USP3: variants seen among roughly 807,000 people sequenced by gnomAD.
USP3 encodes ubiquitin specific peptidase 3, also known as ubiquitin carboxyl-terminal hydrolase 3.
A neutral mutation model predicts 72.3 loss-of-function variants in USP3; 20 were observed. That is an observed-to-expected ratio of 0.28 (90% CI 0.19 to 0.40). USP3 has a LOEUF of 0.40. Ranked by LOEUF, USP3 falls within the 10% of genes least tolerant of loss-of-function variation. The pLI, the probability that USP3 is intolerant of heterozygous loss-of-function variation, is 1.00. For missense variants in USP3, 479 were observed against 633.9 expected (o/e 0.76, Z 2.62); for synonymous variants, 222 against 225.3 (o/e 0.99, Z 0.13).
intron 11 of USP3, among the ~76,000 whole-genome samples, chr15:63,575,101 G>T (rs555325649): frequency 6.8e-6 from 1 of 146,580 alleles, no homozygotes; most frequent in Admixed American, 6.8e-5. Context: ...TGATTTGTAT[G>T]TTCACTAAAA....
chr15:63,568,181 GTC>G, intron 8 of USP3, among the ~76,000 whole-genome samples: 1 of 151,872 alleles, frequency 6.6e-6, no homozygotes, highest in African/African-American at 2.4e-5. Flanking sequence ...GTGAAACCCC[GTC>G]TCTACCAAAA....
chr15:63,543,938 G>A (rs1375548974), intron 3 of USP3, among the ~76,000 whole-genome samples: 1 of 151,552 alleles, frequency 6.6e-6, no homozygotes, highest in Non-Finnish European at 1.5e-5. Context: ...GGCCAGGCAT[G>A]GTGGCTCACA....
At position 63,592,219 on chromosome 15, in the gene USP3, A is replaced by G. The variant is rs1187523702; in HGVS notation, c.*1393A>G. 6.7e-6 allele frequency: 1 copy of G among 150,124 alleles called. No homozygotes were observed. The highest frequency in any genetic ancestry group is 1.5e-5 in the Non-Finnish European group (1 of 67,886). The allele number at this position is 150,124 out of a possible 1,614,324, so 9.3% of individuals were successfully genotyped here. On this transcript the variant is annotated 3_prime_UTR_variant, in exon 15 of 15. Coordinates refer to ENST00000380324, the MANE Select transcript of USP3 (RefSeq NM_006537.4). ...TACAGGCGTGAGCCATCACGCCCAG[A>G]CAGTTTTGTTTTTAAAAAACAGATT...
intron 8 of USP3, among the ~76,000 whole-genome samples, 171 bp downstream of exon 8, chr15:63,563,179 C>T (rs2066634744): frequency 6.6e-6 from 1 of 152,082 alleles, no homozygotes; most frequent in Non-Finnish European, 1.5e-5. Flanking sequence ...TGACTAAACA[C>T]ATGTGTTTAT....
chr15:63,558,980 C>T (rs2066559305), intron 6 of USP3, among the ~76,000 whole-genome samples: 1 of 152,202 alleles, frequency 6.6e-6, no homozygotes, highest in African/African-American at 2.4e-5. Flanking sequence ...CTGTGGGCTA[C>T]AGTTTGCAGA....
intron 2 of USP3, among the ~76,000 whole-genome samples, chr15:63,533,139 A>G (rs754430848): frequency 2.0e-5 from 3 of 152,004 alleles, no homozygotes; most frequent in Non-Finnish European, 4.4e-5. Flanking sequence ...TTCACCTATT[A>G]CCTACCCCAT....
Position 63,540,466 on chromosome 15 carries a change from C to T in USP3, c.284+3310C>T, listed in dbSNP as rs1451995191. Reference sequence around the variant, plus strand: ...GAGTAGGTGACATACGTTTGAAAGACTGAATTTTGTTAACTGTCTTTCAGA... The same window carrying T: ...GAGTAGGTGACATACGTTTGAAAGATTGAATTTTGTTAACTGTCTTTCAGA... On this transcript the variant is annotated intron_variant, in intron 3 of 14. Transcript: ENST00000380324. Among the ~76,000 whole-genome samples the T allele has an allele frequency of 2.6e-5, 4 of 152,172 alleles. No individual in the cohort carries two copies. The East Asian group carries it at 7.7e-4, about 29-fold the overall frequency.
intron 3 of USP3, among the ~76,000 whole-genome samples, chr15:63,552,963 TC>T (rs1286843388): frequency 6.6e-6 from 1 of 152,184 alleles, no homozygotes; most frequent in Non-Finnish European, 1.5e-5. Context: ...ATTGGCCTTA[TC>T]CCAGGAAAAA....
At chr15:63,550,955 G>C (rs2066428063) in intron 3 of USP3, among the ~76,000 whole-genome samples, 1 of 152,106 alleles carries the variant, frequency 6.6e-6, no homozygotes, top group African/African-American at 2.4e-5. Flanking sequence ...CCAGGAATTT[G>C]AGACCAGGCT....
chr15:63,519,263 T>G (rs1337344920), intron 1 of USP3, among the ~76,000 whole-genome samples: 1 of 152,130 alleles, frequency 6.6e-6, no homozygotes, highest in Non-Finnish European at 1.5e-5. Context: ...TATTTAGTTG[T>G]CATAGCTCTT....
chr15:63,544,829 A>G lies in USP3; in HGVS notation c.284+7673A>G. On this transcript the variant is annotated intron_variant, in intron 3 of 14. Coordinates refer to ENST00000380324, the MANE Select transcript of USP3 (RefSeq NM_006537.4). The surrounding 1 kb of genome is among the most constrained non-coding windows in gnomAD (Gnocchi z 4.2). ...GATTGGGAGGGAAGGGGTAGGAGAT[A>G]AGAATATCTAAGCAAGGCTGACATT... 1 of 672,784 alleles carries G rather than the reference A, an allele frequency of 1.5e-6. No individual in the cohort carries two copies. Among genetic ancestry groups the G allele is most frequent in the Non-Finnish European group, 2.7e-6 (1 of 371,834 alleles). 41.7% of individuals were successfully genotyped at this position (672,784 alleles called of 1,614,324 possible).
In USP3 at chr15:63,574,905, A is replaced by G. The variant is rs1250471291; in HGVS notation, c.1096+502A>G. On this transcript the variant is annotated intron_variant, in intron 11 of 14. Coordinates refer to ENST00000380324, the MANE Select transcript of USP3 (RefSeq NM_006537.4). This position sits in a 1 kb window ranked among gnomAD's most constrained non-coding sequence, Gnocchi z 4.6. ...TGAACATATTTTTTGCTTGATGAGTACTAGCTACTGTAATCAAGGCAGAAG... is the reference window on the plus strand; with the variant it reads ...TGAACATATTTTTTGCTTGATGAGTGCTAGCTACTGTAATCAAGGCAGAAG... Among the ~76,000 whole-genome samples the G allele has an allele frequency of 6.6e-6, 1 of 152,214 alleles. No individual in the cohort carries two copies. The highest frequency in any genetic ancestry group is 2.4e-5 in the African/African-American group (1 of 41,454).
chr15:63,563,361 G>A (rs532792119), intron 8 of USP3, among the ~76,000 whole-genome samples: 4 of 152,066 alleles, frequency 2.6e-5, no homozygotes, highest in Non-Finnish European at 5.9e-5. Context: ...TGTTATTCCA[G>A]CTAAAAAAAT....
At position 63,528,958 on chromosome 15, in the gene USP3, T is replaced by C. The variant is rs1567096847; in HGVS notation, c.92-3689T>C. ...ACAGAGTGAATATTCCCCAAAGCAATGCCATTTATTGGCTTCAGAATCCCT... is the reference window on the plus strand; with the variant it reads ...ACAGAGTGAATATTCCCCAAAGCAACGCCATTTATTGGCTTCAGAATCCCT... On this transcript the variant is annotated intron_variant, in intron 1 of 14. Coordinates refer to ENST00000380324, the MANE Select transcript of USP3 (RefSeq NM_006537.4). This position sits in a 1 kb window ranked among gnomAD's most constrained non-coding sequence, Gnocchi z 4.3. The C allele has an allele frequency of 8.1e-6, 10 of 1,241,208 alleles. No homozygotes were observed. In the East Asian group the frequency reaches 5.1e-4, roughly 63 times the overall value. The allele number at this position is 1,241,208 out of a possible 1,614,324, so 76.9% of individuals were successfully genotyped here. A position where few individuals can be genotyped will look rare whatever the true frequency, so the allele number is the denominator to read the frequency against.
chr15:63,587,090 G>C (rs1339076364), intron 11 of USP3, among the ~76,000 whole-genome samples: 1 of 149,654 alleles, frequency 6.7e-6, no homozygotes, highest in African/African-American at 2.6e-5. Flanking sequence ...CTAGGTTTCT[G>C]CTTGCTACCC....
chr15:63,522,248 C>G (rs1306655434), intron 1 of USP3, among the ~76,000 whole-genome samples: 1 of 152,206 alleles, frequency 6.6e-6, no homozygotes. Flanking sequence ...AGACGTCCTC[C>G]TGCATTGCTA....
chr15:63,562,853 CCT>C, intron 7 of USP3, 40 bp from the exon 8 acceptor site: 1 of 1,321,644 alleles, frequency 7.6e-7, no homozygotes, highest in South Asian at 1.4e-5. Flanking sequence ...GAAATTGTAG[CCT>C]CTCACTAATC....
intron 1 of USP3, among the ~76,000 whole-genome samples, chr15:63,507,977 T>C (rs926362337): frequency 6.6e-6 from 1 of 152,196 alleles, no homozygotes; most frequent in Non-Finnish European, 1.5e-5. Context: ...AATGGCATTA[T>C]TTTGCCTTTT....
Position 63,529,178 on chromosome 15 carries a change from GTTT to G in USP3, c.92-3458_92-3456del, listed in dbSNP as rs11351032. 73 of 492,920 alleles carry G rather than the reference GTTT, an allele frequency of 1.5e-4. No homozygotes were observed. The highest frequency in any genetic ancestry group is 2.1e-4 in the Non-Finnish European group (61 of 293,996). The allele number at this position is 492,920 out of a possible 1,614,324, so 30.5% of individuals were successfully genotyped here. ...ACCACACTTGGCAGGTAGTAAAGTGGTTTTTTTTTTTTTCTTTTTTTTGAGATA... is the reference window on the plus strand; with the variant it reads ...ACCACACTTGGCAGGTAGTAAAGTGGTTTTTTTTTTCTTTTTTTTGAGATA... On this transcript the variant is annotated intron_variant, in intron 1 of 14. Transcript: ENST00000380324. This position sits in a 1 kb window ranked among gnomAD's most constrained non-coding sequence, Gnocchi z 4.2.
Sources: gnomAD v4.1 joint callset for allele counts (sites outside exome capture counted in the v4.1 genomes callset) on GRCh38, gnomAD v4.1.1 for gene constraint, Gnocchi (gnomAD v3.1) non-coding constraint, MANE v1.5 for transcripts, NCBI Gene and HGNC (gene_info 2026-07-23, HGNC 2026-07-21) for gene names.